ATP10B: variants seen among roughly 807,000 people sequenced by gnomAD.
ATP10B encodes the protein phospholipid-transporting ATPase VB.
ATP10B carries 122 observed loss-of-function variants against 141.2 expected under a neutral mutation model. That is an observed-to-expected ratio of 0.86 (90% confidence interval 0.75 to 1.00). The LOEUF is 1.00. Ranked by LOEUF, ATP10B falls within the 50% of genes least tolerant of loss-of-function variation. The probability of loss-of-function intolerance (pLI) is 0.00; values close to 1 mark genes in which losing one functional copy is unlikely to be tolerated. For missense variants in ATP10B, 1,876 were observed against 1,825.3 expected (o/e 1.03, Z -0.51); for synonymous variants, 685 against 692.0 (o/e 0.99, Z 0.16).
At chr5:160,793,482 G>T (rs1249416177) in intron 1 of ATP10B, among the ~76,000 whole-genome samples, 1 of 152,118 alleles carries the variant, frequency 6.6e-6, no homozygotes, top group East Asian at 1.9e-4. Context: ...TATTTATATT[G>T]TAAATACAGT....
chr5:160,687,758 CTT>C (rs781400631), intron 5 of ATP10B, 40 bp downstream of exon 5: 1 of 1,581,416 alleles, frequency 6.3e-7, no homozygotes, highest in South Asian at 1.2e-5. Context: ...GAATGAGACT[CTT>C]TCTCTAAAAA....
At chr5:160,872,342 C>T in the ATP10B span, among the ~76,000 whole-genome samples, 2 of 152,148 alleles carry the variant, frequency 1.3e-5, no homozygotes, top group African/African-American at 4.8e-5. Flanking sequence ...GTTTACTCTG[C>T]TGACTGTTCC....
intron 1 of ATP10B, among the ~76,000 whole-genome samples, chr5:160,844,834 T>C (rs577847072): frequency 6.6e-6 from 1 of 152,244 alleles, no homozygotes; most frequent in South Asian, 2.1e-4. Flanking sequence ...CATGAGACAC[T>C]GTCCCTGACC....
intron 13 of ATP10B, among the ~76,000 whole-genome samples, chr5:160,628,863 A>C (rs1159587796): frequency 6.6e-6 from 1 of 151,308 alleles, no homozygotes; most frequent in African/African-American, 2.4e-5. Context: ...TAAGTATATT[A>C]CCCCCACCTT....
chr5:160,587,304 T>C (rs558372184), intron 24 of ATP10B, among the ~76,000 whole-genome samples: 118 of 152,300 alleles, frequency 7.7e-4, no homozygotes, highest in African/African-American at 2.8e-3. Context: ...CTCTGTTCCA[T>C]TGGTGTATAT....
At chr5:160,811,213 G>A (rs1773130584) in intron 1 of ATP10B, among the ~76,000 whole-genome samples, 2 of 152,182 alleles carry the variant, frequency 1.3e-5, no homozygotes, top group South Asian at 4.1e-4. Context: ...GTGACACTCT[G>A]AAACTTGTTG....
intron 1 of ATP10B, among the ~76,000 whole-genome samples, chr5:160,787,105 G>GACACAGAC (rs1734971590): frequency 7.5e-6 from 1 of 133,570 alleles, no homozygotes; most frequent in African/African-American, 2.6e-5. Context: ...TTTTGACACA[G>GACACAGAC]ACACACACAC....
chr5:160,663,213 T>G (rs536749168), intron 7 of ATP10B, among the ~76,000 whole-genome samples: 1 of 152,298 alleles, frequency 6.6e-6, no homozygotes, highest in East Asian at 1.9e-4. Context: ...AGTTCAACCA[T>G]TGTGGAAGTC....
intron 8 of ATP10B, among the ~76,000 whole-genome samples, chr5:160,647,214 T>C (rs569538436): frequency 1.3e-5 from 2 of 152,246 alleles, no homozygotes; most frequent in East Asian, 3.9e-4. Context: ...GCTTCTAAAT[T>C]AACGGAACCC....
chr5:160,636,116 T>C lies in ATP10B; in HGVS notation c.1128+66A>G, dbSNP rs534719448. The C allele has an allele frequency of 2.1e-5, 31 of 1,501,910 alleles. No individual in the cohort carries two copies. In the African/African-American group the frequency reaches 4.4e-4, roughly 21 times the overall value. The allele number at this position is 1,501,910 out of a possible 1,614,324, so 93.0% of individuals were successfully genotyped here. On this transcript the variant is annotated intron_variant, in intron 11 of 25. Coordinates refer to ENST00000327245, the MANE Select transcript of ATP10B (RefSeq NM_025153.3). Reference sequence around the variant, plus strand: ...GTGGCCAGCACTGTTTTTTCTTTATTTTACAAAGTTGTAGGAGTTTTGGCC... The same window carrying C: ...GTGGCCAGCACTGTTTTTTCTTTATCTTACAAAGTTGTAGGAGTTTTGGCC...
At chr5:160,870,368 T>C in the ATP10B span, among the ~76,000 whole-genome samples, 2 of 150,158 alleles carry the variant, frequency 1.3e-5, no homozygotes, top group Non-Finnish European at 3.0e-5. Flanking sequence ...ATGATGATTA[T>C]AAAAAAAATA....
At chr5:160,885,947 T>C in the ATP10B span, among the ~76,000 whole-genome samples, 30 of 152,350 alleles carry the variant, frequency 2.0e-4, no homozygotes, top group South Asian at 6.2e-3. Flanking sequence ...TTCATTTTTG[T>C]ATCCTCCACA....
chr5:160,868,961 G>T, the ATP10B span, among the ~76,000 whole-genome samples: 1 of 152,010 alleles, frequency 6.6e-6, no homozygotes, highest in Non-Finnish European at 1.5e-5. Context: ...ATTAACCACC[G>T]GGGAAAAGTA....
At chr5:160,630,301 G>A (rs1758851572) in intron 13 of ATP10B, among the ~76,000 whole-genome samples, 1 of 152,166 alleles carries the variant, frequency 6.6e-6, no homozygotes, top group Non-Finnish European at 1.5e-5. Flanking sequence ...AGATAGCTCT[G>A]GGGTTAGTGT....
the ATP10B span, among the ~76,000 whole-genome samples, chr5:160,928,327 AG>A: frequency 4.6e-5 from 7 of 152,268 alleles, no homozygotes; most frequent in Admixed American, 2.0e-4. Context: ...CGGGCCATTG[AG>A]GTCTGAGAGG....
intron 7 of ATP10B, among the ~76,000 whole-genome samples, chr5:160,663,038 A>T (rs571872684): frequency 6.6e-6 from 1 of 152,260 alleles, no homozygotes; most frequent in Admixed American, 6.5e-5. Context: ...ACATGAAAAA[A>T]TGCTCATCAT....
intron 13 of ATP10B, among the ~76,000 whole-genome samples, chr5:160,629,789 G>A (rs1448901128): frequency 1.3e-5 from 2 of 152,180 alleles, no homozygotes; most frequent in African/African-American, 4.8e-5. Flanking sequence ...AAGTCACAGA[G>A]CTAGTACATG....
At chr5:160,819,020 G>A (rs573023642) in intron 1 of ATP10B, among the ~76,000 whole-genome samples, 20 of 152,218 alleles carry the variant, frequency 1.3e-4, no homozygotes, top group South Asian at 4.1e-4. Context: ...GAGTGGGGAC[G>A]GATAGCATTA....
At chr5:160,768,612 C>T (rs942920524) in intron 2 of ATP10B, among the ~76,000 whole-genome samples, 1 of 152,162 alleles carries the variant, frequency 6.6e-6, no homozygotes, top group African/African-American at 2.4e-5. Flanking sequence ...CAGCTAAAAC[C>T]TAAAAGAACT....
Sources: gnomAD v4.1 joint callset for allele counts (sites outside exome capture counted in the v4.1 genomes callset) on GRCh38, gnomAD v4.1.1 for gene constraint, MANE v1.5 for transcripts, NCBI Gene and HGNC (gene_info 2026-07-23, HGNC 2026-07-21) for gene names.